The following BIRC6 variants were observed in gnomAD, a reference collection of about 807,000 sequenced individuals.
BIRC6 encodes dual E2 ubiquitin-conjugating enzyme/E3 ubiquitin-protein ligase BIRC6.
Under a neutral mutation model 503.3 loss-of-function variants are expected in BIRC6, and 98 were observed. The ratio of observed to expected loss-of-function variants is 0.19; its 90% CI spans 0.17 to 0.23. BIRC6 has a LOEUF of 0.23. BIRC6 is among the 10% of genes least tolerant of loss of function. The probability of loss-of-function intolerance (pLI) is 1.00; values close to 1 mark genes in which losing one functional copy is unlikely to be tolerated. For synonymous variants in BIRC6, 2,240 were observed against 2,078.7 expected, an observed-to-expected ratio of 1.08 and a Z score of -2.11; for missense variants, 5,360 against 5,806.0, an observed-to-expected ratio of 0.92 and a Z score of 2.50.
rs182517662 is a variant in BIRC6 at position 32,366,573 on chromosome 2, A to G, written c.325+9087A>G. 7.9e-5 allele frequency among the ~76,000 whole-genome samples: 12 copies of G among 152,314 alleles called. No individual in the cohort carries two copies. The East Asian group carries it at 2.1e-3, about 27-fold the overall frequency. ...TATATATAGAACTTAAAAAAATAAT[A>G]GATTTCTGTAATATAGTATGTAAGA... On this transcript the variant is annotated intron_variant, in intron 1 of 73. Transcript: ENST00000421745.
Position 32,505,054 on chromosome 2 carries a change from G to T in BIRC6, c.9549G>T (p.Leu3183Phe). ...SPTAQPAEVL[L>F]QATPPHRRAR... is the part of the protein sequence containing the mutation. ...CTGCCCAACCAGCTGAAGTGCTATT[G>T]CAGGCCACACCTCCTCACAGAAGAG... is the stretch of plus-strand genomic sequence containing the variant. Residue 3183 changes from leucine to phenylalanine, a missense_variant, in exon 50 of 74, where the codon TTG (leucine) becomes TTT (phenylalanine). By Grantham distance (22) the Leu-to-Phe change is conservative. Coordinates refer to ENST00000421745, the MANE Select transcript of BIRC6 (RefSeq NM_016252.4). The T allele has an allele frequency of 6.2e-7, 1 of 1,613,744 alleles. No individual in the cohort carries two copies. Among genetic ancestry groups the T allele is most frequent in the Non-Finnish European group, 8.5e-7 (1 of 1,179,808 alleles).
Position 32,548,017 on chromosome 2 carries a change from A to G in BIRC6, c.12975+3A>G, listed in dbSNP as rs781171976. 8 of 1,588,428 alleles carry G rather than the reference A, an allele frequency of 5.0e-6. No homozygotes were observed. The highest frequency in any genetic ancestry group is 6.0e-6 in the Non-Finnish European group (7 of 1,172,380). On this transcript the variant is annotated splice_donor_region_variant and intron_variant, in intron 64 of 73. Transcript: ENST00000421745. ...AACATGTTACCTGCCTTCTGCAGGT[A>G]TATTTGTAAACTTGATATTGTTCAT...
At chr2:32,400,170 A>T (rs1320138543) in intron 6 of BIRC6, among the ~76,000 whole-genome samples, 1 of 152,074 alleles carries the variant, frequency 6.6e-6, no homozygotes, top group Non-Finnish European at 1.5e-5. Flanking sequence ...TATTTGAAAG[A>T]AGTAGTGTAT....
At chr2:32,389,279 A>G (rs963355448) in intron 4 of BIRC6, among the ~76,000 whole-genome samples, 4 of 151,568 alleles carry the variant, frequency 2.6e-5, no homozygotes, top group African/African-American at 7.3e-5. Flanking sequence ...ATTAATAACT[A>G]TTTTTCCATT....
rs115666450 is a variant in BIRC6 at position 32,427,781 on chromosome 2, C to T, written c.2873-1365C>T. ...GTGTTTTACATCTTGAATGTGGGTC[C>T]CTCTTTCTTTGCATGTCTTGTAATG... On this transcript the variant is annotated intron_variant, in intron 10 of 73. Coordinates refer to ENST00000421745, the MANE Select transcript of BIRC6 (RefSeq NM_016252.4). Among the ~76,000 whole-genome samples, 1,122 of 151,278 alleles carry T rather than the reference C, an allele frequency of 7.4e-3. 7 individuals are homozygous for T. The highest frequency in any genetic ancestry group is 0.014 in the Middle Eastern group (4 of 294).
chr2:32,610,407 A>G (rs2062784318), intron 72 of BIRC6, among the ~76,000 whole-genome samples: 1 of 152,250 alleles, frequency 6.6e-6, no homozygotes, highest in African/African-American at 2.4e-5. Context: ...AATGTAAATC[A>G]CAGTAATAAT....
rs548104439 is a variant in BIRC6 at position 32,588,968 on chromosome 2, A to G, written c.13356-4947A>G. On this transcript the variant is annotated intron_variant, in intron 66 of 73. Transcript: ENST00000421745. Reference sequence around the variant, plus strand: ...TATTATCTTAAGATGAAATTAAAATATAGCCATAGTAGTTTTACTTTTGAA... The same window carrying G: ...TATTATCTTAAGATGAAATTAAAATGTAGCCATAGTAGTTTTACTTTTGAA... Among the ~76,000 whole-genome samples the G allele has an allele frequency of 3.3e-5, 5 of 152,316 alleles. No individual in the cohort carries two copies. In the South Asian group the frequency reaches 1.0e-3, roughly 32 times the overall value.
At position 32,468,614 on chromosome 2, in the gene BIRC6, G is replaced by A. The variant is rs145229218; in HGVS notation, c.5958G>A (p.Leu1986=). ...DCIQLQLQLN[L]AHNAVQRLKV... ...TTCAGCTACAGCTTCAACTAAATTT[G>A]GCTCATAATGCAGTGCAGAGGCTCA... The change falls in exon 29 of 74, where the codon TTG becomes TTA. Residue 1986 remains leucine, a synonymous_variant. Coordinates refer to ENST00000421745, the MANE Select transcript of BIRC6 (RefSeq NM_016252.4). The A allele has an allele frequency of 2.0e-5, 32 of 1,613,954 alleles. No individual in the cohort carries two copies. The African/African-American group carries it at 4.0e-4, about 20-fold the overall frequency.
At chr2:32,511,553 A>G (rs1393134537) in intron 53 of BIRC6, among the ~76,000 whole-genome samples, 1 of 143,576 alleles carries the variant, frequency 7.0e-6, no homozygotes, top group Non-Finnish European at 1.5e-5. Context: ...GATGGTCTCA[A>G]TCTCCTGACC....
At chr2:32,473,346 T>G in intron 33 of BIRC6, 107 bp downstream of exon 33, 1 of 891,798 alleles carries the variant, frequency 1.1e-6, no homozygotes, top group Non-Finnish European at 1.7e-6. Flanking sequence ...TAATGGGCTC[T>G]TAGCTTAGGA....
chr2:32,544,852 A>G (rs1385708883), intron 62 of BIRC6, among the ~76,000 whole-genome samples: 1 of 151,970 alleles, frequency 6.6e-6, no homozygotes, highest in African/African-American at 2.4e-5. Flanking sequence ...TAGGTCAGGA[A>G]TTTCTAATTA....
At chr2:32,514,889 A>G (rs1291430280) in intron 54 of BIRC6, 101 bp from the exon 55 acceptor site, 15 of 865,598 alleles carry the variant, frequency 1.7e-5, no homozygotes, top group Non-Finnish European at 2.3e-5. Flanking sequence ...CAAATAAAGT[A>G]TATAATGTCA....
intron 5 of BIRC6, among the ~76,000 whole-genome samples, chr2:32,392,649 G>T (rs1290624232): frequency 6.6e-6 from 1 of 151,972 alleles, no homozygotes; most frequent in African/African-American, 2.4e-5. Context: ...TTGAGACAGG[G>T]TCTCACTCTG....
intron 55 of BIRC6, among the ~76,000 whole-genome samples, chr2:32,517,665 C>G (rs965276311): frequency 6.6e-6 from 1 of 152,164 alleles, no homozygotes; most frequent in African/African-American, 2.4e-5. Context: ...CTCACTGAAA[C>G]TTTCGGGCTC....
intron 61 of BIRC6, among the ~76,000 whole-genome samples, chr2:32,541,229 A>T (rs1015909368): frequency 3.9e-5 from 6 of 152,092 alleles, no homozygotes; most frequent in Admixed American, 1.3e-4. Flanking sequence ...ATCTTTAAAA[A>T]TTTGCCTATA....
chr2:32,446,958 A>C (rs1217927382), intron 21 of BIRC6, among the ~76,000 whole-genome samples: 1 of 106,454 alleles, frequency 9.4e-6, no homozygotes, highest in Non-Finnish European at 1.9e-5. Flanking sequence ...ATGACTCTTA[A>C]CGAGCATGCT....
intron 10 of BIRC6, 25 bp from the exon 11 acceptor site, chr2:32,429,121 A>C (rs965293488): frequency 4.5e-6 from 7 of 1,551,878 alleles, no homozygotes; most frequent in Non-Finnish European, 5.2e-6. Flanking sequence ...TTTTTCATGT[A>C]TCTATGAAAT....
intron 17 of BIRC6, 70 bp from the exon 18 acceptor site, chr2:32,441,995 C>T: frequency 1.7e-6 from 2 of 1,170,168 alleles, no homozygotes; most frequent in East Asian, 2.5e-5. Flanking sequence ...ATTGCCTTTC[C>T]AGCCAGGTTG....
chr2:32,430,955 T>G lies in BIRC6; in HGVS notation c.3113T>G (p.Phe1038Cys). ...CGCTTTGAGACTTTGACTCCAAGGT[T>G]TTCAGCGACTGTTCCTCCATGCTGG... ...LTRFETLTPR[F>C]SATVPPCWVE... The change falls in exon 12 of 74, where the codon TTT becomes TGT. Residue 1038 changes from phenylalanine to cysteine, a missense_variant. Phe to Cys is a radical substitution (Grantham distance 205). Transcript: ENST00000421745. The G allele has an allele frequency of 6.2e-7, 1 of 1,613,454 alleles. No individual in the cohort carries two copies.
Sources: allele counts gnomAD v4.1 joint callset (sites outside exome capture counted in the v4.1 genomes callset), GRCh38; gene constraint gnomAD v4.1.1; transcripts MANE v1.5; gene names NCBI Gene and HGNC (gene_info 2026-07-23, HGNC 2026-07-21).